HIBADH: variants seen among roughly 807,000 people sequenced by gnomAD.
HIBADH encodes the protein 3-hydroxyisobutyrate dehydrogenase, also known as 3-hydroxyisobutyrate dehydrogenase, mitochondrial.
In HIBADH, 25 loss-of-function variants were observed where a neutral mutation model predicts 36.1. The ratio of observed to expected loss-of-function variants is 0.69; its 90% CI spans 0.50 to 0.97. HIBADH has a LOEUF of 0.97. HIBADH is among the 50% of genes least tolerant of loss of function. HIBADH has a pLI of 0.00. For synonymous variants in HIBADH, 160 were observed against 149.5 expected (o/e 1.07, Z -0.51); for missense variants, 421 against 418.0 (o/e 1.01, Z -0.06).
rs1358947976 is a variant in HIBADH at position 27,610,589 on chromosome 7, T to C, written c.484+18782A>G. On this transcript the variant is annotated intron_variant, in intron 4 of 7. Coordinates refer to ENST00000265395, the MANE Select transcript of HIBADH (RefSeq NM_152740.4). ...AAATATCACATACAAGACTACTGTATAATCGAAGCACTTGTGAGAGTATCA... is the reference window on the plus strand; with the variant it reads ...AAATATCACATACAAGACTACTGTACAATCGAAGCACTTGTGAGAGTATCA... 2.6e-5 allele frequency among the ~76,000 whole-genome samples: 4 copies of C among 152,208 alleles called. No homozygotes were observed. The East Asian group carries it at 5.8e-4, about 22-fold the overall frequency.
intron 1 of HIBADH, among the ~76,000 whole-genome samples, chr7:27,656,798 G>A (rs1210556406): frequency 6.6e-6 from 1 of 152,186 alleles, no homozygotes; most frequent in Non-Finnish European, 1.5e-5. Flanking sequence ...TATGCTATGT[G>A]AATGAATAAT....
chr7:27,587,683 G>A (rs1784885137), intron 4 of HIBADH, among the ~76,000 whole-genome samples: 1 of 152,108 alleles, frequency 6.6e-6, no homozygotes, highest in Non-Finnish European at 1.5e-5. Flanking sequence ...CAATTAGGAG[G>A]TTTCGTTCTT....
chr7:27,649,240 T>C (rs12700830), intron 2 of HIBADH: 287,130 of 368,220 alleles, frequency 0.78, 112,965 homozygotes, highest in East Asian at 0.97. Flanking sequence ...TCTGACCAAA[T>C]GTGCAAAATG....
chr7:27,652,006 C>T (rs1191351759), intron 1 of HIBADH, among the ~76,000 whole-genome samples: 1 of 152,070 alleles, frequency 6.6e-6, no homozygotes, highest in Admixed American at 6.6e-5. Flanking sequence ...ATACAAGGAA[C>T]TAGAAGAGCC....
chr7:27,637,518 A>C (rs1303712933), intron 2 of HIBADH, among the ~76,000 whole-genome samples: 1 of 152,146 alleles, frequency 6.6e-6, no homozygotes, highest in Non-Finnish European at 1.5e-5. Flanking sequence ...AGGTAGAAGC[A>C]CTCTTCTTGA....
rs371026414 is a variant in HIBADH, at chr7:27,550,454, C to T, written c.485-7354G>A. On this transcript the variant is annotated intron_variant, in intron 4 of 7. Transcript: ENST00000265395. ...ACTTCTCTGGTCTCCTCATCTAACC[C>T]TTGCAACAAAAACTACCACTCAATG... 1.0e-3 allele frequency among the ~76,000 whole-genome samples: 158 copies of T among 152,264 alleles called. 6 individuals carry two copies. The South Asian group carries it at 0.032, about 30-fold the overall frequency.
Position 27,623,413 on chromosome 7 carries a change from A to G in HIBADH, c.484+5958T>C, listed in dbSNP as rs569499567. On this transcript the variant is annotated intron_variant, in intron 4 of 7. Coordinates refer to ENST00000265395, the MANE Select transcript of HIBADH (RefSeq NM_152740.4). The stretch of plus-strand genomic sequence containing the variant: ...GAAAGTCCTAGCCAGAGCAGTCAGG[A>G]AAGAGAAAGAAATAAAAGTCATCAA... Among the ~76,000 whole-genome samples the G allele has an allele frequency of 5.8e-4, 89 of 152,294 alleles. 1 individual carries two copies. Among genetic ancestry groups the G allele is most frequent in the African/African-American group, 2.0e-3 (82 of 41,560 alleles).
At chr7:27,558,985 C>G (rs1784429980) in intron 4 of HIBADH, among the ~76,000 whole-genome samples, 2 of 152,194 alleles carry the variant, frequency 1.3e-5, no homozygotes, top group African/African-American at 4.8e-5. Context: ...TACTGTCTGA[C>G]AGTCCTGGAG....
intron 2 of HIBADH, among the ~76,000 whole-genome samples, chr7:27,639,458 G>C (rs56123216): frequency 0.6 from 90,696 of 152,078 alleles, 27,940 homozygotes; most frequent in East Asian, 0.94. Flanking sequence ...GAGGGACAGA[G>C]GGTGAGGATC....
chr7:27,542,176 C>T (rs760139245), intron 5 of HIBADH, among the ~76,000 whole-genome samples: 8 of 152,042 alleles, frequency 5.3e-5, no homozygotes, highest in Non-Finnish European at 1.2e-4. Context: ...TATTTCTAGG[C>T]CATGTGGTTC....
At chr7:27,541,571 T>C (rs115193318) in intron 5 of HIBADH, among the ~76,000 whole-genome samples, 4,077 of 152,290 alleles carry the variant, frequency 0.027, 184 homozygotes, top group African/African-American at 0.093. Context: ...GTCCTTACAT[T>C]GGATTTGTTT....
At chr7:27,528,166 C>T (rs1236812794) in intron 7 of HIBADH, among the ~76,000 whole-genome samples, 1 of 152,038 alleles carries the variant, frequency 6.6e-6, no homozygotes, top group African/African-American at 2.4e-5. Context: ...TGTGTTCTGA[C>T]TGCCCAGCCA....
chr7:27,644,390 A>G (rs2128296257), intron 2 of HIBADH, among the ~76,000 whole-genome samples: 1 of 152,226 alleles, frequency 6.6e-6, no homozygotes, highest in South Asian at 2.1e-4. Context: ...ACCTGAGGTC[A>G]GGAGTTCGAG....
At chr7:27,577,634 C>T (rs1784732267) in intron 4 of HIBADH, among the ~76,000 whole-genome samples, 1 of 152,096 alleles carries the variant, frequency 6.6e-6, no homozygotes, top group African/African-American at 2.4e-5. Flanking sequence ...GAAAGGCTCG[C>T]AATATAAAGA....
chr7:27,629,622 ATTAT>A lies in HIBADH; in HGVS notation c.363-134_363-131del, dbSNP rs1785712178. The A allele has an allele frequency of 5.6e-6, 3 of 531,352 alleles. No homozygotes were observed. The East Asian group carries it at 9.6e-5, about 17-fold the overall frequency. The allele number at this position is 531,352 out of a possible 1,614,324, so 32.9% of individuals were successfully genotyped here. On this transcript the variant is annotated intron_variant, in intron 3 of 7. Transcript: ENST00000265395. ...AGGATTTTAGTTTAGTATTAAAAAC[ATTAT>A]TAATTAGAACACGTTTAAAAATCTC...
In HIBADH at chr7:27,558,565, A is replaced by G. The variant is rs181647580; in HGVS notation, c.485-15465T>C. On this transcript the variant is annotated intron_variant, in intron 4 of 7. Coordinates refer to ENST00000265395, the MANE Select transcript of HIBADH (RefSeq NM_152740.4). ...TGGTCTCAAACTCCTAAGCTCAAGC[A>G]ATCCACCTGCGGTCCCAGCTACATA... Among the ~76,000 whole-genome samples the G allele has an allele frequency of 4.6e-5, 7 of 152,200 alleles. No homozygotes were observed. The East Asian group carries it at 1.4e-3, about 30-fold the overall frequency.
intron 4 of HIBADH, among the ~76,000 whole-genome samples, chr7:27,617,112 T>C (rs1389893401): frequency 1.3e-5 from 2 of 151,880 alleles, no homozygotes; most frequent in African/African-American, 4.8e-5. Flanking sequence ...ATTTCCAGAC[T>C]CACAAGCTCC....
At chr7:27,617,871 C>T (rs1050618749) in intron 4 of HIBADH, among the ~76,000 whole-genome samples, 1 of 152,174 alleles carries the variant, frequency 6.6e-6, no homozygotes, top group Non-Finnish European at 1.5e-5. Context: ...TCCCCCAAGA[C>T]CTGAATGGCT....
At chr7:27,621,158 G>A (rs975662912) in intron 4 of HIBADH, among the ~76,000 whole-genome samples, 4 of 151,804 alleles carry the variant, frequency 2.6e-5, no homozygotes, top group African/African-American at 9.7e-5. Context: ...AATGAAAAAG[G>A]AATCAATCCA....
Sources: gnomAD v4.1 joint callset for allele counts (sites outside exome capture counted in the v4.1 genomes callset) on GRCh38, gnomAD v4.1.1 for gene constraint, MANE v1.5 for transcripts, NCBI Gene and HGNC (gene_info 2026-07-23, HGNC 2026-07-21) for gene names.